NBAS: variants seen among roughly 807,000 people sequenced by gnomAD.
NBAS encodes NAG/BC035112 fusion.
In NBAS, 219 loss-of-function variants were observed where a neutral mutation model predicts 302.5. The observed-to-expected ratio is 0.72, with a 90% confidence interval of 0.65 to 0.81. The LOEUF is 0.81. Ranked by LOEUF, NBAS falls within the 30% of genes least tolerant of loss-of-function variation. NBAS has a pLI of 0.00. For synonymous variants in NBAS, 1,118 were observed against 1,021.6 expected (o/e 1.09, Z -1.80); for missense variants, 2,932 against 2,841.6 (o/e 1.03, Z -0.72).
chr2:15,355,120 C>G (rs1452258836), intron 33 of NBAS, among the ~76,000 whole-genome samples: 1 of 152,188 alleles, frequency 6.6e-6, no homozygotes, highest in Non-Finnish European at 1.5e-5. Flanking sequence ...TTTTCTTTAA[C>G]AGTACACATG....
the NBAS span, among the ~76,000 whole-genome samples, chr2:14,918,562 C>T: frequency 1.2e-4 from 19 of 152,296 alleles, no homozygotes; most frequent in East Asian, 3.5e-3. Flanking sequence ...CATGTCTAGA[C>T]CATTAACCCA....
At chr2:15,523,750 C>T (rs978889642) in intron 9 of NBAS, among the ~76,000 whole-genome samples, 1 of 152,196 alleles carries the variant, frequency 6.6e-6, no homozygotes, top group Non-Finnish European at 1.5e-5. Context: ...GCTGTCTCTA[C>T]TAAAAATACA....
the NBAS span, among the ~76,000 whole-genome samples, chr2:14,946,311 GA>G: frequency 7.2e-5 from 11 of 152,034 alleles, no homozygotes; most frequent in African/African-American, 2.7e-4. Context: ...CAAGTACAAA[GA>G]GATGATCCTA....
intron 11 of NBAS, among the ~76,000 whole-genome samples, chr2:15,490,816 G>T (rs985527161): frequency 6.6e-6 from 1 of 152,136 alleles, no homozygotes; most frequent in Non-Finnish European, 1.5e-5. Flanking sequence ...TAGTAGTCAC[G>T]AGCATGCCCC....
chr2:15,462,680 T>G (rs13398393), intron 19 of NBAS, among the ~76,000 whole-genome samples: 93,502 of 151,966 alleles, frequency 0.62, 29,671 homozygotes, highest in Non-Finnish European at 0.68. Context: ...ATGGGTTAAG[T>G]TGGCAACTAT....
the NBAS span, among the ~76,000 whole-genome samples, chr2:14,911,519 G>A: frequency 2.6e-5 from 4 of 152,116 alleles, no homozygotes; most frequent in African/African-American, 7.2e-5. Context: ...ATAATGTATC[G>A]GTTTTAGAGT....
intron 35 of NBAS, 73 bp from the exon 36 acceptor site, chr2:15,330,838 A>C: frequency 6.8e-7 from 1 of 1,476,520 alleles, no homozygotes; most frequent in East Asian, 2.3e-5. Flanking sequence ...TGATAATGTG[A>C]CTGCTTAAAA....
chr2:15,538,615 C>T (rs1007001509), intron 7 of NBAS, among the ~76,000 whole-genome samples: 8 of 152,096 alleles, frequency 5.3e-5, no homozygotes, highest in Non-Finnish European at 8.8e-5. Flanking sequence ...CCCTGTATCT[C>T]GTTCAGTTGA....
chr2:15,470,373 T>A (rs1291966373), intron 16 of NBAS, among the ~76,000 whole-genome samples: 2 of 152,190 alleles, frequency 1.3e-5, no homozygotes. Flanking sequence ...AATCAATATA[T>A]CTTTTCAATC....
chr2:15,352,409 C>G (rs191128957), intron 34 of NBAS, among the ~76,000 whole-genome samples: 1 of 151,988 alleles, frequency 6.6e-6, no homozygotes, highest in Admixed American at 6.6e-5. Context: ...AAAAAGAGAC[C>G]GAGGCGAGTT....
the NBAS span, among the ~76,000 whole-genome samples, chr2:14,935,784 G>A: frequency 4.2e-3 from 634 of 152,242 alleles, 7 homozygotes; most frequent in African/African-American, 0.015. Flanking sequence ...CCTCCTCATC[G>A]TGAAAACACT....
intron 42 of NBAS, among the ~76,000 whole-genome samples, chr2:15,277,937 C>T (rs1344173037): frequency 6.6e-6 from 1 of 152,008 alleles, no homozygotes; most frequent in African/African-American, 2.4e-5. Context: ...TTCATACTCC[C>T]TAATTGTAAG....
chr2:15,049,933 C>T, the NBAS span, among the ~76,000 whole-genome samples: 5 of 152,228 alleles, frequency 3.3e-5, no homozygotes, highest in East Asian at 9.6e-4. Context: ...CCAGGACATG[C>T]TAGCCGCAGG....
intron 11 of NBAS, among the ~76,000 whole-genome samples, chr2:15,493,969 G>C (rs961839891): frequency 6.6e-6 from 1 of 151,804 alleles, no homozygotes; most frequent in African/African-American, 2.4e-5. Context: ...GGGATTACAG[G>C]CACCTGCCAC....
intron 51 of NBAS, among the ~76,000 whole-genome samples, chr2:15,178,593 C>T (rs1362590924): frequency 1.3e-5 from 2 of 152,164 alleles, no homozygotes; most frequent in Non-Finnish European, 2.9e-5. Context: ...TAGTGGATAA[C>T]CTAACACACA....
intron 31 of NBAS, among the ~76,000 whole-genome samples, chr2:15,367,862 T>A (rs537310412): frequency 6.6e-6 from 1 of 152,212 alleles, no homozygotes. Flanking sequence ...AAATCCTCTA[T>A]ACTCTTTGCT....
At chr2:15,182,977 T>C (rs1297548841) in intron 50 of NBAS, among the ~76,000 whole-genome samples, 1 of 152,094 alleles carries the variant, frequency 6.6e-6, no homozygotes, top group Admixed American at 6.5e-5. Context: ...TCTTAAGTAC[T>C]CTGACATAAA....
the NBAS span, among the ~76,000 whole-genome samples, chr2:14,912,298 C>A: frequency 2.6e-5 from 4 of 152,066 alleles, no homozygotes; most frequent in Admixed American, 6.5e-5. Context: ...ATTTTTTTCA[C>A]TATTTATCAA....
the NBAS span, among the ~76,000 whole-genome samples, chr2:14,784,634 T>C: frequency 2.0e-5 from 3 of 152,310 alleles, no homozygotes; most frequent in African/African-American, 7.2e-5. Context: ...GTTGTAGATA[T>C]GCGGCGTTAT....
Sources: allele counts gnomAD v4.1 joint callset (sites outside exome capture counted in the v4.1 genomes callset), GRCh38; gene constraint gnomAD v4.1.1; transcripts MANE v1.5; gene names NCBI Gene and HGNC (gene_info 2026-07-23, HGNC 2026-07-21).